EML3: variants seen among roughly 807,000 people sequenced by gnomAD.
EML3 encodes echinoderm microtubule-associated protein-like 3.
Under a neutral mutation model 106.7 loss-of-function variants are expected in EML3, and 53 were observed. The ratio of observed to expected loss-of-function variants is 0.50; its 90% CI spans 0.40 to 0.62. EML3 has a LOEUF of 0.62. Among genes scored for constraint, EML3 ranks in the 20% least tolerant of loss-of-function variants. The pLI, the probability that EML3 is intolerant of heterozygous loss-of-function variation, is 0.00. For synonymous variants in EML3, 499 were observed against 489.6 expected (o/e 1.02, Z -0.25); for missense variants, 994 against 1,209.1 (o/e 0.82, Z 2.64).
Position 62,603,253 on chromosome 11 carries a change from G to T in EML3, c.2258-6C>A, listed in dbSNP as rs183273900. On this transcript the variant is annotated splice_polypyrimidine_tract_variant and splice_region_variant and intron_variant, in intron 19 of 21. Coordinates refer to ENST00000394773, the MANE Select transcript of EML3 (RefSeq NM_153265.3). The stretch of plus-strand genomic sequence containing the variant: ...GCAGCCTCCAGCCACGTCCCCTGGG[G>T]AGAGGGAGCCCGCCCAGCTCAGCTC... 1.9e-4 allele frequency: 300 copies of T among 1,612,932 alleles called. 2 individuals carry two copies. In the African/African-American group the frequency reaches 3.7e-3, roughly 20 times the overall value.
chr11:62,608,594 A>G lies in EML3; in HGVS notation c.1058T>C (p.Ile353Thr). Residue 353 changes from isoleucine to threonine, a missense_variant, in exon 9 of 22, where the codon ATT becomes ACT. Physicochemically the swap from Ile to Thr is moderately conservative, Grantham distance 89. Transcript: ENST00000394773. ...ACCCCGCTCGAAGGCCCCCAGTCCAATCTCCTGCAGTTTCAACAGCGTCTC... is the reference window on the plus strand; with the variant it reads ...ACCCCGCTCGAAGGCCCCCAGTCCAGTCTCCTGCAGTTTCAACAGCGTCTC... ...DSETLLKLQE[I>T]GLGAFERGVG... 1 of 1,614,192 alleles carries G rather than the reference A, an allele frequency of 6.2e-7. No individual in the cohort carries two copies. The highest frequency in any genetic ancestry group is 1.1e-5 in the South Asian group (1 of 91,088).
chr11:62,608,137 T>G (rs1191079232), intron 10 of EML3, 64 bp downstream of exon 10: 6 of 1,449,466 alleles, frequency 4.1e-6, no homozygotes, highest in Non-Finnish European at 3.9e-6. Flanking sequence ...AGTCTGGAGC[T>G]CCCTGCACTC....
chr11:62,607,912 G>A, intron 10 of EML3, 91 bp from the exon 11 acceptor site: 1 of 1,483,414 alleles, frequency 6.7e-7, no homozygotes. Flanking sequence ...ACAGCTGGCT[G>A]GCAGAGGTCC....
chr11:62,605,580 C>G lies in EML3; in HGVS notation c.1914+62G>C. On this transcript the variant is annotated intron_variant, in intron 15 of 21. Transcript: ENST00000394773. This position sits in a 1 kb window ranked among gnomAD's most constrained non-coding sequence, Gnocchi z 5.2. Reference sequence around the variant, plus strand: ...GCAGAAGGCAAGGTGCTGGGGAAGGCGTGGTGGCCACAGGTGTCCTGGTGG... The same window carrying G: ...GCAGAAGGCAAGGTGCTGGGGAAGGGGTGGTGGCCACAGGTGTCCTGGTGG... 1 of 1,499,850 alleles carries G rather than the reference C, an allele frequency of 6.7e-7. No homozygotes were observed. Among genetic ancestry groups the G allele is most frequent in the South Asian group, 1.4e-5 (1 of 72,710 alleles). 92.9% of individuals were successfully genotyped at this position (1,499,850 alleles called of 1,614,324 possible).
Position 62,604,375 on chromosome 11 carries a change from TTTG to T in EML3, c.1983-177_1983-175del, listed in dbSNP as rs745664151. Among the ~76,000 whole-genome samples, 68 of 151,802 alleles carry T rather than the reference TTTG, an allele frequency of 4.5e-4. 1 individual carries two copies. Among genetic ancestry groups the T allele is most frequent in the Admixed American group, 2.4e-3 (36 of 15,242 alleles). ...TCACAACTGCATTCTTCTTTTTTAGTTTGTTGTTGTTGTTGTTGTTGTTTTGAG... is the reference window on the plus strand; with the variant it reads ...TCACAACTGCATTCTTCTTTTTTAGTTTGTTGTTGTTGTTGTTGTTTTGAG... On this transcript the variant is annotated intron_variant, in intron 16 of 21. Transcript: ENST00000394773.
At chr11:62,609,228 C>G in intron 6 of EML3, 96 bp from the exon 7 acceptor site, 1 of 1,576,678 alleles carries the variant, frequency 6.3e-7, no homozygotes, top group East Asian at 2.2e-5. Context: ...GGGCCTAGAG[C>G]AGAATGATGG....
In EML3 at chr11:62,612,454, C is replaced by G; in HGVS notation, c.4G>C (p.Asp2His). 1 of 1,460,924 alleles carries G rather than the reference C, an allele frequency of 6.8e-7. No homozygotes were observed. Among genetic ancestry groups the G allele is most frequent in the Non-Finnish European group, 9.0e-7 (1 of 1,114,760 alleles). The allele number at this position is 1,460,924 out of a possible 1,614,324, so 90.5% of individuals were successfully genotyped here. M[D>H]GAAGPGDGPA... ...TACTCACCGGGCCCCGCGGCCCCGT[C>G]CATCCGGCCCCCGGGTTGCTCCGAG... Residue 2 changes from aspartate (D) to histidine (H), a missense_variant, in exon 1 of 22, where the codon GAC (aspartate) becomes CAC (histidine). This residue lies in a region of EML3 where 12 missense variants were observed against 23.5 expected (regional missense o/e 0.51). Transcript: ENST00000394773.
At chr11:62,606,583 G>A (rs920458884) in intron 12 of EML3, among the ~76,000 whole-genome samples, 8 of 152,222 alleles carry the variant, frequency 5.3e-5, no homozygotes, top group Admixed American at 2.0e-4. Flanking sequence ...CTGGCTGGGC[G>A]CCGTGGCTCA....
chr11:62,604,826 CTG>C lies in EML3; in HGVS notation c.1982+285_1982+286del, dbSNP rs1942431656. On this transcript the variant is annotated intron_variant, in intron 16 of 21. Transcript: ENST00000394773. The stretch of plus-strand genomic sequence containing the variant: ...TGCAAGCTGGAAGCCTGTCACTTCC[CTG>C]TGTTTGTCTATGCCCCTCCCATTCC... 5 of 269,822 alleles carry C rather than the reference CTG, an allele frequency of 1.9e-5. No individual in the cohort carries two copies. In the South Asian group the frequency reaches 3.3e-4, roughly 18 times the overall value. 16.7% of individuals were successfully genotyped at this position (269,822 alleles called of 1,614,324 possible). A position where few individuals can be genotyped will look rare whatever the true frequency, so the allele number is the denominator to read the frequency against.
rs748970177 is a variant in EML3 at position 62,607,003 on chromosome 11, G to A, written c.1459C>T (p.Arg487Trp). 8.7e-6 allele frequency: 14 copies of A among 1,613,982 alleles called. No individual in the cohort carries two copies. The highest frequency in any genetic ancestry group is 7.7e-5 in the South Asian group (7 of 91,092). Residue 487 changes from arginine (R) to tryptophan (W), a missense_variant, in exon 12 of 22, where the codon CGG becomes TGG. Arg to Trp is a moderately radical substitution (Grantham distance 101). Transcript: ENST00000394773. ...GGGGTCTTGGAATCTGAAGGGCTCCGCCCCCAGGTGAGAATGTTCCCCTCT... is the reference window on the plus strand; with the variant it reads ...GGGGTCTTGGAATCTGAAGGGCTCCACCCCCAGGTGAGAATGTTCCCCTCT... The part of the protein sequence containing the change: ...DSEGNILTWG[R>W]SPSDSKTPGR...
At chr11:62,611,722 G>A (rs1355995348) in intron 1 of EML3, 126 bp from the exon 2 acceptor site, 2 of 1,121,142 alleles carry the variant, frequency 1.8e-6, no homozygotes, top group Non-Finnish European at 2.5e-6. Flanking sequence ...CCCCAGGCTT[G>A]AATGCTCGTC....
Position 62,605,614 on chromosome 11 carries a change from T to C in EML3, c.1914+28A>G. The C allele has an allele frequency of 1.3e-6, 2 of 1,515,780 alleles. No homozygotes were observed. The highest frequency in any genetic ancestry group is 1.8e-6 in the Non-Finnish European group (2 of 1,132,186). 93.9% of individuals were successfully genotyped at this position (1,515,780 alleles called of 1,614,324 possible). ...CACAGGTGTCCTGGTGGGTGTGGCA[T>C]GGGGGATCCAGGGGCACAGGGCTCT... is the stretch of plus-strand genomic sequence containing the variant. On this transcript the variant is annotated intron_variant, in intron 15 of 21. Transcript: ENST00000394773. This position sits in a 1 kb window ranked among gnomAD's most constrained non-coding sequence, Gnocchi z 5.2.
chr11:62,602,369 G>C lies in EML3; in HGVS notation c.*106C>G. 3.2e-6 allele frequency: 5 copies of C among 1,548,612 alleles called. No homozygotes were observed. Among genetic ancestry groups the C allele is most frequent in the Non-Finnish European group, 3.5e-6 (4 of 1,145,138 alleles). On this transcript the variant is annotated 3_prime_UTR_variant, in exon 22 of 22. Transcript: ENST00000394773. ...AATGCGCGATCGGGAATGTCTCGAA[G>C]TCAGTCCAGGAAAGAGTCGGCCCCT...
intron 20 of EML3, 43 bp from the exon 21 acceptor site, chr11:62,602,932 C>T (rs1422224119): frequency 6.7e-7 from 1 of 1,494,400 alleles, no homozygotes; most frequent in Admixed American, 2.1e-5. Context: ...TACCCACCGC[C>T]ACCCACGGCC....
At chr11:62,610,365 C>T (rs1421836133) in intron 4 of EML3, among the ~76,000 whole-genome samples, 2 of 152,176 alleles carry the variant, frequency 1.3e-5, no homozygotes, top group Non-Finnish European at 2.9e-5. Flanking sequence ...CAACTACATC[C>T]GGCCACTAGG....
intron 5 of EML3, 68 bp downstream of exon 5, chr11:62,609,561 C>T (rs1590757406): frequency 6.4e-7 from 1 of 1,561,952 alleles, no homozygotes; most frequent in Admixed American, 1.9e-5. Flanking sequence ...CCCAAAATAG[C>T]TCCTGGGGCT....
At chr11:62,602,729 G>T (rs1302004964) in intron 21 of EML3, 30 bp downstream of exon 21, 1 of 1,607,200 alleles carries the variant, frequency 6.2e-7, no homozygotes. Context: ...GGGCCCACCG[G>T]TCCCACCCCG....
intron 17 of EML3, 27 bp from the exon 18 acceptor site, chr11:62,604,068 A>G: frequency 1.2e-6 from 2 of 1,614,028 alleles, no homozygotes; most frequent in Non-Finnish European, 1.7e-6. Flanking sequence ...TCAGAGAGGG[A>G]AGGGCCAGGG....
chr11:62,606,161 A>G lies in EML3; in HGVS notation c.1558T>C (p.Leu520=). The G allele has an allele frequency of 6.2e-7, 1 of 1,614,072 alleles. No individual in the cohort carries two copies. Among genetic ancestry groups the G allele is most frequent in the Non-Finnish European group, 8.5e-7 (1 of 1,180,030 alleles). The change falls in exon 13 of 22, where the codon TTG becomes CTG. Residue 520 remains leucine, a synonymous_variant. Transcript: ENST00000394773. Reference sequence around the variant, plus strand: ...ACTGTCCCGTCCCTCCGGAGACACAAGGCGAAGATAGAACCTTCATGAGCG... The same window carrying G: ...ACTGTCCCGTCCCTCCGGAGACACAGGGCGAAGATAGAACCTTCATGAGCG... ...AHAHEGSIFA[L]CLRRDGTVLS...
Sources: gnomAD v4.1 joint callset for allele counts (sites outside exome capture counted in the v4.1 genomes callset) on GRCh38, gnomAD v4.1.1 for gene constraint, gnomAD v4.1.1 regional missense constraint, Gnocchi (gnomAD v3.1) non-coding constraint, MANE v1.5 for transcripts, NCBI Gene and HGNC (gene_info 2026-07-23, HGNC 2026-07-21) for gene names.